The following MAST2 variants were observed in gnomAD, a reference collection of about 807,000 sequenced individuals.
MAST2 encodes the protein microtubule associated serine/threonine kinase 2.
Under a neutral mutation model 147.4 loss-of-function variants are expected in MAST2, and 70 were observed. That is an observed-to-expected ratio of 0.47 (90% CI 0.39 to 0.58). The LOEUF is 0.58. MAST2 is among the 20% of genes least tolerant of loss of function. The pLI is 0.00. For synonymous variants in MAST2, 869 were observed against 896.8 expected (o/e 0.97, Z 0.55); for missense variants, 2,080 against 2,302.3 (o/e 0.90, Z 1.98).
intron 27 of MAST2, 58 bp from the exon 28 acceptor site, chr1:46,034,015 G>T: frequency 6.2e-7 from 1 of 1,605,224 alleles, no homozygotes. Context: ...TGGCCCTGGG[G>T]GTCCAGTGTG....
intron 4 of MAST2, among the ~76,000 whole-genome samples, chr1:45,901,968 A>AT (rs1649839656): frequency 6.6e-6 from 1 of 151,810 alleles, no homozygotes; most frequent in Admixed American, 6.6e-5. Context: ...GATGCTTTTT[A>AT]TTTTTTTCTC....
In MAST2 at chr1:46,015,089, G is replaced by A. The variant is rs1340460986; in HGVS notation, c.1188+4150G>A. The stretch of plus-strand genomic sequence containing the variant: ...CCTGAATGACTACTGGGTACATAAC[G>A]AAATGAAGGCAGAAATAAAGATGTT... On this transcript the variant is annotated intron_variant, in intron 10 of 28. Coordinates refer to ENST00000361297, the MANE Select transcript of MAST2 (RefSeq NM_015112.3). 3.4e-3 allele frequency among the ~76,000 whole-genome samples: 508 copies of A among 151,330 alleles called. 2 individuals are homozygous for A. Among genetic ancestry groups the A allele is most frequent in the Non-Finnish European group, 5.4e-3 (368 of 67,824 alleles).
At chr1:45,948,104 G>A (rs561237027) in intron 4 of MAST2, among the ~76,000 whole-genome samples, 17 of 152,228 alleles carry the variant, frequency 1.1e-4, no homozygotes, top group Admixed American at 8.5e-4. Flanking sequence ...ATTCCTATCC[G>A]CCAACAGCAG....
chr1:46,032,782 C>G, intron 26 of MAST2, 64 bp downstream of exon 26: 1 of 1,572,830 alleles, frequency 6.4e-7, no homozygotes, highest in South Asian at 1.2e-5. Flanking sequence ...TCTGTGATGG[C>G]AGTTAGGGGA....
intron 3 of MAST2, among the ~76,000 whole-genome samples, chr1:45,876,066 A>C (rs1320826980): frequency 6.6e-6 from 1 of 152,212 alleles, no homozygotes; most frequent in Non-Finnish European, 1.5e-5. Context: ...AAAGTCTTCC[A>C]GGACAGAAGA....
chr1:45,991,955 C>A (rs1164460705), intron 5 of MAST2, among the ~76,000 whole-genome samples: 5 of 152,150 alleles, frequency 3.3e-5, no homozygotes, highest in African/African-American at 1.2e-4. Flanking sequence ...TCTTGAACTC[C>A]TGGGCTCAAG....
chr1:45,838,619 A>G (rs1645178491), intron 3 of MAST2, among the ~76,000 whole-genome samples: 1 of 152,132 alleles, frequency 6.6e-6, no homozygotes. Context: ...AGTTTCAGGA[A>G]TCTTCGTATA....
chr1:45,972,899 G>A (rs1643974639), intron 5 of MAST2, among the ~76,000 whole-genome samples: 1 of 152,182 alleles, frequency 6.6e-6, no homozygotes, highest in Admixed American at 6.5e-5. Context: ...ATTATCTGCA[G>A]ACTACTCAAG....
At chr1:45,905,692 C>T (rs1209566685) in intron 4 of MAST2, among the ~76,000 whole-genome samples, 3 of 151,744 alleles carry the variant, frequency 2.0e-5, no homozygotes, top group Admixed American at 1.3e-4. Context: ...AGGAGAATGG[C>T]GTGAACCCAG....
chr1:45,911,851 TTA>T (rs1291489456), intron 4 of MAST2, among the ~76,000 whole-genome samples: 2 of 132,034 alleles, frequency 1.5e-5, no homozygotes, highest in Non-Finnish European at 3.1e-5. Context: ...ATTATTATTG[TTA>T]TATTATTATT....
At chr1:45,937,425 C>G (rs1223072614) in intron 4 of MAST2, among the ~76,000 whole-genome samples, 1 of 152,044 alleles carries the variant, frequency 6.6e-6, no homozygotes, top group Non-Finnish European at 1.5e-5. Flanking sequence ...GCCACCATGC[C>G]TGGCTGAGAC....
intron 3 of MAST2, among the ~76,000 whole-genome samples, chr1:45,844,029 T>C (rs2147930663): frequency 6.6e-6 from 1 of 152,330 alleles, no homozygotes; most frequent in Non-Finnish European, 1.5e-5. Flanking sequence ...TTAAGATACC[T>C]TAAAAATAGT....
rs1245937262 is a variant in MAST2, at chr1:46,031,698, G to C, written c.3187+113G>C. ...GTGTGTGTGTGTTAAGCACAGATCT[G>C]ACTGTGGTCTCTGAAGGTGTGTATT... On this transcript the variant is annotated intron_variant, in intron 24 of 28. Transcript: ENST00000361297. The surrounding 1 kb of genome is among the most constrained non-coding windows in gnomAD (Gnocchi z 4.1). 1.9e-6 allele frequency: 2 copies of C among 1,067,198 alleles called. No individual in the cohort carries two copies. Among genetic ancestry groups the C allele is most frequent in the Admixed American group, 2.6e-5 (1 of 39,150 alleles). The allele number at this position is 1,067,198 out of a possible 1,614,324, so 66.1% of individuals were successfully genotyped here. A position where few individuals can be genotyped will look rare whatever the true frequency, so the allele number is the denominator to read the frequency against.
Position 45,896,584 on chromosome 1 carries a change from G to C in MAST2, c.500+14189G>C, listed in dbSNP as rs368832747. Among the ~76,000 whole-genome samples the C allele has an allele frequency of 2.6e-5, 4 of 152,084 alleles. No homozygotes were observed. In the East Asian group the frequency reaches 7.7e-4, roughly 29 times the overall value. Reference sequence around the variant, plus strand: ...TAGGGTGGAACTCTCTCATGGGAGAGCCTTAAGACCCACAGTCAGAAAGGT... The same window carrying C: ...TAGGGTGGAACTCTCTCATGGGAGACCCTTAAGACCCACAGTCAGAAAGGT... On this transcript the variant is annotated intron_variant, in intron 4 of 28. Transcript: ENST00000361297.
At chr1:45,959,090 G>A (rs1018009945) in intron 4 of MAST2, among the ~76,000 whole-genome samples, 6 of 152,112 alleles carry the variant, frequency 3.9e-5, no homozygotes, top group Non-Finnish European at 8.8e-5. Context: ...TTAAAACATG[G>A]TTTTTGCCCG....
At chr1:45,897,275 A>C (rs1005140192) in intron 4 of MAST2, among the ~76,000 whole-genome samples, 2 of 152,134 alleles carry the variant, frequency 1.3e-5, no homozygotes, top group African/African-American at 4.8e-5. Context: ...AGCTATTTTT[A>C]CCATCAGGCA....
intron 4 of MAST2, among the ~76,000 whole-genome samples, chr1:45,921,726 T>A (rs1467807623): frequency 6.6e-6 from 1 of 151,808 alleles, no homozygotes; most frequent in Non-Finnish European, 1.5e-5. Flanking sequence ...AAAGCAGGAG[T>A]CACAGCTCAG....
chr1:45,864,622 G>A (rs893312504), intron 3 of MAST2, among the ~76,000 whole-genome samples: 2 of 152,166 alleles, frequency 1.3e-5, no homozygotes, highest in Non-Finnish European at 1.5e-5. Flanking sequence ...CTGAAGAATT[G>A]TCATCTTTTT....
At chr1:46,002,292 C>T (rs777672523) in intron 6 of MAST2, among the ~76,000 whole-genome samples, 87 of 152,144 alleles carry the variant, frequency 5.7e-4, no homozygotes, top group Non-Finnish European at 1.1e-3. Context: ...TGAGTCCTAA[C>T]GGCTCCTAGG....
Sources: allele counts gnomAD v4.1 joint callset (sites outside exome capture counted in the v4.1 genomes callset), GRCh38; gene constraint gnomAD v4.1.1; non-coding constraint Gnocchi (gnomAD v3.1); transcripts MANE v1.5; gene names NCBI Gene and HGNC (gene_info 2026-07-23, HGNC 2026-07-21).